ANO2: variants seen among roughly 807,000 people sequenced by gnomAD.
ANO2 encodes the protein anoctamin-2.
ANO2 carries 101 observed loss-of-function variants against 124.2 expected under a neutral mutation model. That is an observed-to-expected ratio of 0.81 (90% CI 0.69 to 0.96). ANO2 has a LOEUF of 0.96. Ranked by LOEUF, ANO2 falls within the 40% of genes least tolerant of loss-of-function variation. The pLI is 0.00. For synonymous variants in ANO2, 486 were observed against 482.5 expected (o/e 1.01, Z -0.09); for missense variants, 1,293 against 1,274.5 (o/e 1.01, Z -0.22).
At chr12:5,929,575 C>A (rs1260078076) in intron 1 of ANO2, among the ~76,000 whole-genome samples, 4 of 87,334 alleles carry the variant, frequency 4.6e-5, no homozygotes, top group African/African-American at 2.1e-4. Flanking sequence ...CACTCGTCTG[C>A]CTTCTTTCCT....
intron 1 of ANO2, among the ~76,000 whole-genome samples, chr12:5,936,829 C>A (rs1437518253): frequency 6.6e-6 from 1 of 152,210 alleles, no homozygotes; most frequent in Non-Finnish European, 1.5e-5. Context: ...AAGGGTCCAA[C>A]TTCATTCTTT....
chr12:5,753,277 T>C (rs1164703586), intron 10 of ANO2, among the ~76,000 whole-genome samples: 1 of 152,088 alleles, frequency 6.6e-6, no homozygotes, highest in Admixed American at 6.6e-5. Flanking sequence ...GAGGGTATGG[T>C]ATGGTCATCC....
rs1942020531 is a variant in ANO2, at chr12:5,925,080, AC to A, written c.23-2277del. Among the ~76,000 whole-genome samples, 1 of 152,064 alleles carries A rather than the reference AC, an allele frequency of 6.6e-6. No homozygotes were observed. The highest frequency in any genetic ancestry group is 2.1e-4 in the South Asian group (1 of 4,816). On this transcript the variant is annotated intron_variant, in intron 1 of 24. Coordinates refer to ENST00000682330, the MANE Select transcript of ANO2 (RefSeq NM_001364791.2). This position sits in a 1 kb window ranked among gnomAD's most constrained non-coding sequence, Gnocchi z 4.6. ...ACAGAACTTGGAACAGAAGGACTCT[AC>A]CCCAGAGAAGACCTGGAAACCTCTA...
At chr12:5,813,676 G>C (rs1300343578) in intron 7 of ANO2, among the ~76,000 whole-genome samples, 1 of 152,002 alleles carries the variant, frequency 6.6e-6, no homozygotes, top group Non-Finnish European at 1.5e-5. Context: ...CAACCTCTCT[G>C]AGGCCTGCGG....
chr12:5,901,639 G>C (rs1023103866), intron 3 of ANO2, among the ~76,000 whole-genome samples: 2 of 152,178 alleles, frequency 1.3e-5, no homozygotes, highest in Non-Finnish European at 2.9e-5. Flanking sequence ...GAGTGGACCT[G>C]CTCGGTAGGT....
At chr12:5,830,548 C>T in intron 5 of ANO2, 59 bp from the exon 6 acceptor site, 1 of 1,497,984 alleles carries the variant, frequency 6.7e-7, no homozygotes, top group South Asian at 1.2e-5. Context: ...CCTGAGACCA[C>T]TGCCACCCCA....
chr12:5,709,533 T>C (rs1211610292), intron 14 of ANO2, among the ~76,000 whole-genome samples: 1 of 152,228 alleles, frequency 6.6e-6, no homozygotes, highest in Admixed American at 6.5e-5. Flanking sequence ...TGGACTGGAC[T>C]CAGGTTCCAT....
chr12:5,896,261 T>G (rs1453003823), intron 3 of ANO2, among the ~76,000 whole-genome samples: 1 of 152,102 alleles, frequency 6.6e-6, no homozygotes, highest in Non-Finnish European at 1.5e-5. Context: ...CCACCAAAAC[T>G]ATTGAAATAA....
chr12:5,743,018 G>A (rs1951149568), intron 12 of ANO2, among the ~76,000 whole-genome samples: 1 of 151,966 alleles, frequency 6.6e-6, no homozygotes, highest in Non-Finnish European at 1.5e-5. Flanking sequence ...AATAGAGTGT[G>A]CCCTGGAAAT....
rs1943522048 is a variant in ANO2, at chr12:5,593,756, C to G, written c.2233+5728G>C. ...GAGGTAGGTGCTATTATCATCAAACCTACTTTTCAGATGGGAGAATTGGAC... is the reference window on the plus strand; with the variant it reads ...GAGGTAGGTGCTATTATCATCAAACGTACTTTTCAGATGGGAGAATTGGAC... On this transcript the variant is annotated intron_variant, in intron 20 of 24. Transcript: ENST00000682330. Among the ~76,000 whole-genome samples the G allele has an allele frequency of 2.0e-5, 3 of 152,264 alleles. No individual in the cohort carries two copies. In the South Asian group the frequency reaches 6.2e-4, roughly 32 times the overall value.
At chr12:5,826,007 G>A (rs1191748738) in intron 7 of ANO2, among the ~76,000 whole-genome samples, 1 of 152,202 alleles carries the variant, frequency 6.6e-6, no homozygotes, top group African/African-American at 2.4e-5. Context: ...CAATTGTCAT[G>A]AGTATTTCCT....
intron 11 of ANO2, among the ~76,000 whole-genome samples, chr12:5,746,222 G>A (rs1370425353): frequency 1.1e-4 from 17 of 152,208 alleles, no homozygotes; most frequent in Admixed American, 1.1e-3. Flanking sequence ...CCAAGCGGGT[G>A]CAAAGCACTT....
chr12:5,594,713 C>G (rs2136873954), intron 20 of ANO2, among the ~76,000 whole-genome samples: 1 of 152,196 alleles, frequency 6.6e-6, no homozygotes, highest in South Asian at 2.1e-4. Flanking sequence ...CGGTGCATGC[C>G]TGTAGTGCCA....
chr12:5,721,920 T>C (rs552980323), intron 14 of ANO2, among the ~76,000 whole-genome samples: 1 of 152,366 alleles, frequency 6.6e-6, no homozygotes, highest in African/African-American at 2.4e-5. Context: ...AACAGTTCCA[T>C]GTGTTAAGTA....
In ANO2 at chr12:5,921,378, G is replaced by C; in HGVS notation, c.208-12C>G. 6.2e-7 allele frequency: 1 copy of C among 1,610,850 alleles called. No homozygotes were observed. The highest frequency in any genetic ancestry group is 8.5e-7 in the Non-Finnish European group (1 of 1,177,886). ...TAGTTGTTGATGACCTGGCCAGAGA[G>C]AGAGGAGAGGCAGGGCAAGGTCTGG... On this transcript the variant is annotated splice_polypyrimidine_tract_variant and intron_variant, in intron 2 of 24. Coordinates refer to ENST00000682330, the MANE Select transcript of ANO2 (RefSeq NM_001364791.2).
chr12:5,584,037 G>A, intron 20 of ANO2: 1 of 257,278 alleles, frequency 3.9e-6, no homozygotes, highest in Non-Finnish European at 8.4e-6. Flanking sequence ...AATTATGGTT[G>A]CACCAGATAA....
intron 15 of ANO2, among the ~76,000 whole-genome samples, chr12:5,640,795 C>A (rs368181418): frequency 1.3e-5 from 2 of 152,214 alleles, no homozygotes; most frequent in South Asian, 4.1e-4. Flanking sequence ...ACTAGTTCAA[C>A]GATTGTGGAA....
chr12:5,614,354 C>T (rs1944689186), intron 17 of ANO2, among the ~76,000 whole-genome samples: 1 of 152,140 alleles, frequency 6.6e-6, no homozygotes, highest in South Asian at 2.1e-4. Context: ...GGGGGCAGGC[C>T]ATGCCAGAAA....
rs536440455 is a variant in ANO2 at position 5,920,318 on chromosome 12, A to G, written c.534+722T>C. 7.9e-5 allele frequency among the ~76,000 whole-genome samples: 12 copies of G among 152,304 alleles called. 1 individual carries two copies. The highest frequency in any genetic ancestry group is 2.6e-4 in the African/African-American group (11 of 41,564). ...GCGCATTCCTTAGTGAATGAGATTC[A>G]TATAGAGGAATTTTATTCCAAAATT... On this transcript the variant is annotated intron_variant, in intron 3 of 24. Coordinates refer to ENST00000682330, the MANE Select transcript of ANO2 (RefSeq NM_001364791.2).
Sources: allele counts gnomAD v4.1 joint callset (sites outside exome capture counted in the v4.1 genomes callset), GRCh38; gene constraint gnomAD v4.1.1; non-coding constraint Gnocchi (gnomAD v3.1); transcripts MANE v1.5; gene names NCBI Gene and HGNC (gene_info 2026-07-23, HGNC 2026-07-21).